The following GSE1 variants were observed in gnomAD, a reference collection of about 807,000 sequenced individuals.
The protein encoded by GSE1 is genetic suppressor element 1.
A neutral mutation model predicts 112.6 loss-of-function variants in GSE1; 32 were observed. That is an observed-to-expected ratio of 0.28 (90% CI 0.21 to 0.38). The LOEUF is 0.38. Among genes scored for constraint, GSE1 ranks in the 10% least tolerant of loss-of-function variants. The probability of loss-of-function intolerance (pLI) is 1.00; values close to 1 mark genes in which losing one functional copy is unlikely to be tolerated. For synonymous variants in GSE1, 1,115 were observed against 735.6 expected, an observed-to-expected ratio of 1.52 and a Z score of -8.35; for missense variants, 2,348 against 1,699.2, an observed-to-expected ratio of 1.38 and a Z score of -6.71.
chr16:85,473,770 G>C (rs568659745), intron 2 of GSE1, among the ~76,000 whole-genome samples: 59 of 152,014 alleles, frequency 3.9e-4, no homozygotes, highest in African/African-American at 1.4e-3. Context: ...CCTGTCTTTT[G>C]CGGGGCGGAG....
intron 1 of GSE1, among the ~76,000 whole-genome samples, chr16:85,176,609 C>A (rs1423208048): frequency 1.3e-5 from 2 of 152,272 alleles, no homozygotes; most frequent in African/African-American, 4.8e-5. Context: ...GGCCGCGCTT[C>A]CCGCTTCCAG....
At chr16:85,394,572 C>T (rs1280458286) in intron 2 of GSE1, among the ~76,000 whole-genome samples, 2 of 152,116 alleles carry the variant, frequency 1.3e-5, no homozygotes, top group East Asian at 1.9e-4. Flanking sequence ...CCTGGATGGG[C>T]GGCAGCCCCC....
intron 1 of GSE1, among the ~76,000 whole-genome samples, chr16:85,279,223 G>C (rs1434816187): frequency 6.6e-6 from 1 of 152,202 alleles, no homozygotes; most frequent in Non-Finnish European, 1.5e-5. Context: ...AGGCCCCAGG[G>C]AGAAAGCGTA....
At chr16:85,302,532 C>T (rs1296253717) in intron 1 of GSE1, among the ~76,000 whole-genome samples, 1 of 151,618 alleles carries the variant, frequency 6.6e-6, no homozygotes, top group African/African-American at 2.4e-5. Context: ...CTCGGGAGGA[C>T]AGCAGGCGTG....
intron 2 of GSE1, among the ~76,000 whole-genome samples, chr16:85,446,906 G>A (rs921813928): frequency 2.6e-5 from 4 of 152,058 alleles, no homozygotes; most frequent in African/African-American, 7.2e-5. Flanking sequence ...CCCTCTGCAC[G>A]GGCACACCCT....
At chr16:85,211,959 C>G (rs2075233639) in intron 1 of GSE1, among the ~76,000 whole-genome samples, 1 of 152,342 alleles carries the variant, frequency 6.6e-6, no homozygotes, top group South Asian at 2.1e-4. Context: ...GCTGGCATCA[C>G]TTGAACCATC....
chr16:85,209,396 C>T (rs79979991), intron 1 of GSE1, among the ~76,000 whole-genome samples: 1 of 152,026 alleles, frequency 6.6e-6, no homozygotes, highest in Non-Finnish European at 1.5e-5. Context: ...CGTGCCCCCG[C>T]CCCTGCTCTG....
upstream of GSE1, chr16:85,555,538 T>G: frequency 1.0e-6 from 1 of 982,790 alleles, no homozygotes; most frequent in Non-Finnish European, 1.2e-6. Flanking sequence ...GCTGTTTGGG[T>G]ATTAATTTTC....
In GSE1 at chr16:85,512,005, T is replaced by C. The variant is rs529522285; in HGVS notation, c.2465-121909T>C. ...CTCTCCCACTGCTCTGTAGTCAGGG[T>C]CTCCACGCAGGAGTGGAGGGAGGTG... On this transcript the variant is annotated intron_variant, in intron 2 of 2. Coordinates refer to the GSE1 transcript ENST00000637419. Among the ~76,000 whole-genome samples the C allele has an allele frequency of 2.6e-4, 40 of 152,150 alleles. No homozygotes were observed. In the East Asian group the frequency reaches 7.7e-3, roughly 29 times the overall value.
intron 2 of GSE1, among the ~76,000 whole-genome samples, chr16:85,532,496 A>C (rs1205846522): frequency 1.3e-5 from 2 of 152,204 alleles, no homozygotes; most frequent in African/African-American, 2.4e-5. Flanking sequence ...TCATGGGTTC[A>C]AGCAGTCCTC....
At chr16:85,171,287 G>A in exon 1 of GSE1, 1 of 985,606 alleles carries the variant, frequency 1.0e-6, no homozygotes, top group Non-Finnish European at 1.2e-6. Flanking sequence ...GCCCAGGGCG[G>A]CCCCGTGTCC....
chr16:85,249,094 A>C (rs1305979849), intron 1 of GSE1, among the ~76,000 whole-genome samples: 1 of 152,242 alleles, frequency 6.6e-6, no homozygotes, highest in Non-Finnish European at 1.5e-5. Context: ...TTCATGTTCC[A>C]AGTCCACAAA....
At chr16:85,575,600 C>A (rs551510664) in intron 1 of GSE1, among the ~76,000 whole-genome samples, 2 of 151,972 alleles carry the variant, frequency 1.3e-5, no homozygotes, top group Admixed American at 6.6e-5. Flanking sequence ...TCATGACGGG[C>A]GGGAGGGGCA....
At chr16:85,494,375 G>A (rs1293304636) in intron 2 of GSE1, among the ~76,000 whole-genome samples, 1 of 152,066 alleles carries the variant, frequency 6.6e-6, no homozygotes, top group Non-Finnish European at 1.5e-5. Context: ...TTGGACTTGG[G>A]GCCCACCCTA....
intron 2 of GSE1, among the ~76,000 whole-genome samples, chr16:85,481,714 C>T (rs1381142207): frequency 6.6e-6 from 1 of 152,202 alleles, no homozygotes; most frequent in Non-Finnish European, 1.5e-5. Context: ...GCTAATTCTG[C>T]CGCCAGAGCA....
At chr16:85,638,181 T>C (rs1244542867) in intron 2 of GSE1, among the ~76,000 whole-genome samples, 1 of 152,144 alleles carries the variant, frequency 6.6e-6, no homozygotes, top group East Asian at 1.9e-4. Context: ...TCTCCTCTCA[T>C]TGTGTCTCAA....
At chr16:85,475,303 C>T (rs75874410) in intron 2 of GSE1, among the ~76,000 whole-genome samples, 14,036 of 152,294 alleles carry the variant, frequency 0.092, 743 homozygotes, top group East Asian at 0.21. Context: ...GTCGCTGAAT[C>T]TGTGATCAGT....
chr16:85,567,498 GCT>G (rs2045809227), intron 1 of GSE1, among the ~76,000 whole-genome samples: 1 of 152,074 alleles, frequency 6.6e-6, no homozygotes, highest in South Asian at 2.1e-4. Context: ...CGCAGCCGGG[GCT>G]CTCAACGCTG....
rs879255401 is a variant in GSE1 at position 85,656,484 on chromosome 16, TGAGAAGGAGCGCGAGCGC to T, written c.1135_1152del (p.Lys379_Glu384del). ...GCGAGCAAGAGAAGGAGCGTGAGCG[TGAGAAGGAGCGCGAGCGC>T]GAGCTGGAGCGCCAGCGGGAGCAGC... On this transcript the variant is annotated inframe_deletion, in exon 7 of 16. Coordinates refer to ENST00000253458, the MANE Select transcript of GSE1 (RefSeq NM_014615.5). 2.5e-5 allele frequency: 38 copies of T among 1,519,880 alleles called. No individual in the cohort carries two copies. The Admixed American group carries it at 3.4e-4, about 13-fold the overall frequency. 94.1% of individuals were successfully genotyped at this position (1,519,880 alleles called of 1,614,324 possible).
Sources: gnomAD v4.1 joint callset for allele counts (sites outside exome capture counted in the v4.1 genomes callset) on GRCh38, gnomAD v4.1.1 for gene constraint, MANE v1.5 for transcripts, NCBI Gene and HGNC (gene_info 2026-07-23, HGNC 2026-07-21) for gene names.